WDFY3: variants seen among roughly 807,000 people sequenced by gnomAD.
The protein encoded by WDFY3 is WD repeat and FYVE domain-containing protein 3.
WDFY3 carries 66 observed loss-of-function variants against 409.6 expected under a neutral mutation model. The observed-to-expected ratio is 0.16, with a 90% confidence interval of 0.13 to 0.20. The LOEUF is 0.20. Ranked by LOEUF, WDFY3 falls within the 10% of genes least tolerant of loss-of-function variation. WDFY3 has a pLI of 1.00. For missense variants in WDFY3, 3,031 were observed against 4,298.1 expected, an observed-to-expected ratio of 0.71 and a Z score of 8.24; for synonymous variants, 1,521 against 1,537.1, an observed-to-expected ratio of 0.99 and a Z score of 0.25.
intron 29 of WDFY3, among the ~76,000 whole-genome samples, chr4:84,773,389 G>T (rs1436705564): frequency 1.3e-5 from 2 of 152,050 alleles, no homozygotes; most frequent in African/African-American, 4.8e-5. Context: ...ATCCATATTC[G>T]AATGTCCTAA....
intron 2 of WDFY3, among the ~76,000 whole-genome samples, chr4:84,926,958 C>G (rs180678446): frequency 6.6e-6 from 1 of 152,200 alleles, no homozygotes; most frequent in African/African-American, 2.4e-5. Context: ...TTCTGCTAAC[C>G]CTGCTAACAA....
chr4:84,765,534 T>G (rs971203404), intron 32 of WDFY3, among the ~76,000 whole-genome samples: 2 of 152,186 alleles, frequency 1.3e-5, no homozygotes, highest in Non-Finnish European at 2.9e-5. Context: ...GATAATTTGC[T>G]AATTATTTAC....
At chr4:84,797,532 T>C (rs1442873134) in intron 18 of WDFY3, among the ~76,000 whole-genome samples, 3 of 151,858 alleles carry the variant, frequency 2.0e-5, no homozygotes, top group African/African-American at 7.2e-5. Flanking sequence ...TTTCTACTCT[T>C]AGCAAAGGAA....
intron 1 of WDFY3, among the ~76,000 whole-genome samples, chr4:84,933,324 T>C (rs1351534963): frequency 1.3e-5 from 2 of 152,138 alleles, no homozygotes; most frequent in Non-Finnish European, 2.9e-5. Flanking sequence ...TGCTGGTTTA[T>C]CTCATTACCT....
chr4:84,726,846 T>C lies in WDFY3; in HGVS notation c.7272+15A>G. 1 of 1,591,332 alleles carries C rather than the reference T, an allele frequency of 6.3e-7. No homozygotes were observed. Among genetic ancestry groups the C allele is most frequent in the Non-Finnish European group, 8.5e-7 (1 of 1,173,744 alleles). The stretch of plus-strand genomic sequence containing the variant: ...ACAAGTAGTTTACATTCTTTTACTG[T>C]AATTTGTGTTTTACCTTTTGAGGAA... On this transcript the variant is annotated intron_variant, in intron 45 of 67. Coordinates refer to ENST00000295888, the MANE Select transcript of WDFY3 (RefSeq NM_014991.6).
chr4:84,926,127 C>A (rs1345640808), intron 2 of WDFY3, among the ~76,000 whole-genome samples: 1 of 142,660 alleles, frequency 7.0e-6, no homozygotes, highest in Non-Finnish European at 1.5e-5. Context: ...AATTCTTGAA[C>A]CCGGGAGGCA....
chr4:84,746,692 G>A (rs1050471177), intron 36 of WDFY3, among the ~76,000 whole-genome samples: 2 of 152,016 alleles, frequency 1.3e-5, no homozygotes, highest in African/African-American at 4.8e-5. Context: ...TTTTATGAAA[G>A]CATGCATTAT....
chr4:84,696,658 A>G (rs1730202823), intron 57 of WDFY3, 74 bp downstream of exon 57: 2 of 1,442,214 alleles, frequency 1.4e-6, no homozygotes, highest in Non-Finnish European at 1.9e-6. Context: ...TACTCTGGCT[A>G]GAGGCCCTGT....
At chr4:84,960,249 C>T (rs1774742048) in intron 1 of WDFY3, among the ~76,000 whole-genome samples, 2 of 152,136 alleles carry the variant, frequency 1.3e-5, no homozygotes, top group African/African-American at 4.8e-5. Context: ...AGCCACTTCC[C>T]CTAACTACTC....
At chr4:84,851,728 T>A (rs1187123846) in intron 4 of WDFY3, among the ~76,000 whole-genome samples, 1 of 152,144 alleles carries the variant, frequency 6.6e-6, no homozygotes, top group African/African-American at 2.4e-5. Flanking sequence ...ATATATATAT[T>A]TAAGGAAGTA....
intron 2 of WDFY3, among the ~76,000 whole-genome samples, chr4:84,929,866 G>A (rs1169028039): frequency 1.3e-5 from 2 of 151,466 alleles, no homozygotes; most frequent in South Asian, 2.1e-4. Context: ...AGTCAAGGTC[G>A]CACCACTGCA....
intron 38 of WDFY3, 94 bp from the exon 39 acceptor site, chr4:84,740,510 A>G: frequency 8.5e-7 from 1 of 1,171,754 alleles, no homozygotes; most frequent in Non-Finnish European, 1.2e-6. Context: ...TCTATTATAT[A>G]CCAGATGCCA....
intron 2 of WDFY3, among the ~76,000 whole-genome samples, chr4:84,904,341 A>G (rs1387859038): frequency 6.6e-6 from 1 of 152,090 alleles, no homozygotes; most frequent in African/African-American, 2.4e-5. Context: ...CCTGGGTTCA[A>G]GGGATTCTCC....
At chr4:84,781,181 G>A (rs116481726) in intron 25 of WDFY3, among the ~76,000 whole-genome samples, 181 of 151,412 alleles carry the variant, frequency 1.2e-3, no homozygotes, top group Non-Finnish European at 2.0e-3. Flanking sequence ...CTTTAGGAGA[G>A]CATAAGTTTA....
chr4:84,810,217 C>A lies in WDFY3; in HGVS notation c.2015G>T (p.Gly672Val). ...ERSLSCPPKN[G>V]WEKVNQNQVF... ...TTGATTCTGGTTCACTTTCTCCCAG[C>A]CATTCTTGGGTGGACAGCTCAAAGA... The change falls in exon 14 of 68, where the codon GGC becomes GTC. Residue 672 changes from glycine (G) to valine (V), a missense_variant. Gly to Val is a moderately radical substitution (Grantham distance 109). Coordinates refer to ENST00000295888, the MANE Select transcript of WDFY3 (RefSeq NM_014991.6). 6.2e-7 allele frequency: 1 copy of A among 1,614,080 alleles called. No homozygotes were observed. The highest frequency in any genetic ancestry group is 1.3e-5 in the African/African-American group (1 of 75,004).
intron 36 of WDFY3, among the ~76,000 whole-genome samples, chr4:84,747,427 T>A (rs531080302): frequency 6.6e-6 from 1 of 152,288 alleles, no homozygotes; most frequent in Non-Finnish European, 1.5e-5. Flanking sequence ...TTTGCCCAAT[T>A]TGCCATTGTT....
At position 84,826,917 on chromosome 4, in the gene WDFY3, A is replaced by T. The variant is rs1369867162; in HGVS notation, c.1021T>A (p.Ser341Thr). 1 of 1,611,008 alleles carries T rather than the reference A, an allele frequency of 6.2e-7. No homozygotes were observed. Among genetic ancestry groups the T allele is most frequent in the East Asian group, 2.2e-5 (1 of 44,590 alleles). The change falls in exon 10 of 68, where the codon TCC becomes ACC. Residue 341 changes from serine to threonine, a missense_variant. Coordinates refer to ENST00000295888, the MANE Select transcript of WDFY3 (RefSeq NM_014991.6). The stretch of plus-strand genomic sequence containing the variant: ...TCACTGACACCATATGTTGTTAGGG[A>T]AGTTATCAGATTAACCAGATCTTTC... ...ALKDLVNLITSLTTYGVSELK... is the reference protein window; with the variant it reads ...ALKDLVNLITTLTTYGVSELK...
At chr4:84,916,104 T>C (rs1328186508) in intron 2 of WDFY3, among the ~76,000 whole-genome samples, 1 of 152,204 alleles carries the variant, frequency 6.6e-6, no homozygotes, top group Non-Finnish European at 1.5e-5. Context: ...AACTATCTTT[T>C]TTGTGGACAA....
intron 16 of WDFY3, among the ~76,000 whole-genome samples, chr4:84,802,557 C>T (rs952949900): frequency 6.6e-6 from 1 of 152,084 alleles, no homozygotes; most frequent in African/African-American, 2.4e-5. Context: ...CGTGAGCCAC[C>T]GCGCCTGGCC....
Sources: allele counts gnomAD v4.1 joint callset (sites outside exome capture counted in the v4.1 genomes callset), GRCh38; gene constraint gnomAD v4.1.1; transcripts MANE v1.5; gene names NCBI Gene and HGNC (gene_info 2026-07-23, HGNC 2026-07-21).